Variants in GBF1 observed in about 807,000 individuals in gnomAD.
GBF1 encodes golgi brefeldin A resistant guanine nucleotide exchange factor 1, also known as Golgi-specific brefeldin A-resistance guanine nucleotide exchange factor 1.
A neutral mutation model predicts 210.5 loss-of-function variants in GBF1; 114 were observed. The observed-to-expected ratio is 0.54, with a 90% confidence interval of 0.47 to 0.63. The LOEUF (loss-of-function observed/expected upper bound fraction) is 0.63, where lower values mean the gene tolerates loss of function less well. GBF1 is among the 30% of genes least tolerant of loss of function. The probability of loss-of-function intolerance (pLI) is 0.00; values close to 1 mark genes in which losing one functional copy is unlikely to be tolerated. For missense variants in GBF1, 1,851 were observed against 2,357.7 expected (o/e 0.79, Z 4.45); for synonymous variants, 850 against 889.2 (o/e 0.96, Z 0.78).
At chr10:102,354,389 A>G (rs1269386063) in intron 8 of GBF1, among the ~76,000 whole-genome samples, 1 of 152,182 alleles carries the variant, frequency 6.6e-6, no homozygotes, top group Non-Finnish European at 1.5e-5. Flanking sequence ...TGTCTCCTCA[A>G]CAAACTGGAG....
intron 3 of GBF1, among the ~76,000 whole-genome samples, chr10:102,298,013 C>A (rs914694260): frequency 9.2e-5 from 14 of 152,152 alleles, no homozygotes; most frequent in African/African-American, 3.4e-4. Flanking sequence ...CAGCTCACTG[C>A]AACCTCCGCC....
chr10:102,376,853 G>A (rs2060527980), intron 32 of GBF1, 53 bp downstream of exon 32: 1 of 1,609,932 alleles, frequency 6.2e-7, no homozygotes, highest in Non-Finnish European at 8.5e-7. Flanking sequence ...ATTATGCAGG[G>A]GAGAGGCTGA....
intron 3 of GBF1, among the ~76,000 whole-genome samples, chr10:102,282,091 T>C (rs1236860703): frequency 7.7e-6 from 1 of 129,110 alleles, no homozygotes; most frequent in African/African-American, 2.7e-5. Context: ...CACACCCGGC[T>C]AATTTTTTTT....
intron 3 of GBF1, among the ~76,000 whole-genome samples, chr10:102,285,575 C>T (rs1422161727): frequency 6.6e-6 from 1 of 152,170 alleles, no homozygotes; most frequent in African/African-American, 2.4e-5. Flanking sequence ...GTGTTCTCTT[C>T]TTACCCCTCT....
At chr10:102,369,667 G>A in intron 24 of GBF1, 44 bp from the exon 25 acceptor site, 1 of 1,575,876 alleles carries the variant, frequency 6.3e-7, no homozygotes. Context: ...GGGCACAAAT[G>A]CAAAGGACAC....
At chr10:102,376,886 C>G in intron 32 of GBF1, 49 bp from the exon 33 acceptor site, 1 of 1,609,170 alleles carries the variant, frequency 6.2e-7, no homozygotes, top group Non-Finnish European at 8.5e-7. Context: ...GGCAGGGTAT[C>G]TATGCCTATA....
At chr10:102,354,953 C>G (rs1272235160) in intron 8 of GBF1, among the ~76,000 whole-genome samples, 3 of 146,598 alleles carry the variant, frequency 2.0e-5, no homozygotes, top group African/African-American at 7.6e-5. Context: ...TTAAAGAGGT[C>G]ATTCCAAGGA....
intron 18 of GBF1, among the ~76,000 whole-genome samples, chr10:102,365,874 G>T (rs1299174683): frequency 1.3e-5 from 2 of 152,044 alleles, no homozygotes; most frequent in African/African-American, 2.4e-5. Context: ...TCATGCCACT[G>T]TGATAGAGTG....
chr10:102,341,240 T>G (rs2058163201), intron 3 of GBF1, among the ~76,000 whole-genome samples: 1 of 152,178 alleles, frequency 6.6e-6, no homozygotes, highest in African/African-American at 2.4e-5. Flanking sequence ...AATGCAAATT[T>G]AAACCACATG....
intron 32 of GBF1, 41 bp downstream of exon 32, chr10:102,376,841 C>T (rs1449370893): frequency 1.2e-6 from 2 of 1,609,500 alleles, no homozygotes; most frequent in African/African-American, 2.7e-5. Context: ...AGTAGCCATG[C>T]AATTATGCAG....
At chr10:102,304,708 A>T (rs2077685913) in intron 3 of GBF1, among the ~76,000 whole-genome samples, 1 of 152,022 alleles carries the variant, frequency 6.6e-6, no homozygotes, top group South Asian at 2.1e-4. Context: ...TGGGAGGTGG[A>T]GGTTGCAGTG....
At chr10:102,375,995 T>C (rs1256246258) in intron 30 of GBF1, among the ~76,000 whole-genome samples, 1 of 151,926 alleles carries the variant, frequency 6.6e-6, no homozygotes, top group Non-Finnish European at 1.5e-5. Context: ...CCTGGCTTCA[T>C]AGCCTTCTGC....
At chr10:102,360,995 C>T (rs372068812) in intron 12 of GBF1, 27 bp from the exon 13 acceptor site, 5 of 983,144 alleles carry the variant, frequency 5.1e-6, no homozygotes, top group Admixed American at 4.1e-5. Flanking sequence ...AAAAAAAACT[C>T]ATGGCCTACC....
intron 3 of GBF1, among the ~76,000 whole-genome samples, chr10:102,320,715 A>T (rs2056311051): frequency 6.6e-6 from 1 of 152,142 alleles, no homozygotes; most frequent in South Asian, 2.1e-4. Flanking sequence ...GCAATCTGTT[A>T]ATGAATCTCA....
At chr10:102,276,252 C>G (rs1415584852) in intron 3 of GBF1, among the ~76,000 whole-genome samples, 1 of 148,066 alleles carries the variant, frequency 6.8e-6, no homozygotes, top group Non-Finnish European at 1.5e-5. Context: ...AAAGGCCTGG[C>G]GCGGTGGCTC....
intron 3 of GBF1, among the ~76,000 whole-genome samples, chr10:102,267,209 G>C (rs2073950550): frequency 6.6e-6 from 1 of 152,134 alleles, no homozygotes; most frequent in Non-Finnish European, 1.5e-5. Context: ...GATTGAATAA[G>C]AGTATATTAT....
chr10:102,376,298 T>C lies in GBF1; in HGVS notation c.3913T>C (p.Ser1305Pro). 6.2e-7 allele frequency: 1 copy of C among 1,613,984 alleles called. No individual in the cohort carries two copies. Residue 1305 changes from serine to proline, a missense_variant, in exon 31 of 40, where the codon TCC (serine) becomes CCC (proline). Physicochemically the swap from Ser to Pro is moderately conservative, Grantham distance 74 (BLOSUM62 -1). Around this residue, in one of 3 missense-constraint regions of GBF1, gnomAD observed 967 missense variants for 1,247.7 expected, o/e 0.78. Transcript: ENST00000369983. ...AGAQSDSELP[S>P]YHQNDVSLDR... ...GGCCCAGTCAGATAGTGAGCTCCCA[T>C]CCTACCATCAGAATGACGTGAGCCT...
intron 3 of GBF1, among the ~76,000 whole-genome samples, chr10:102,268,327 T>A (rs2074070466): frequency 6.6e-6 from 1 of 152,222 alleles, no homozygotes; most frequent in Admixed American, 6.5e-5. Flanking sequence ...TTCTACTGCA[T>A]GTATCAGAAA....
At chr10:102,288,749 C>T (rs917526174) in intron 3 of GBF1, among the ~76,000 whole-genome samples, 2 of 103,370 alleles carry the variant, frequency 1.9e-5, no homozygotes, top group African/African-American at 3.1e-5. Context: ...AAAAAAAAAA[C>T]GAAATTACTT....
Sources: gnomAD v4.1 joint callset for allele counts (sites outside exome capture counted in the v4.1 genomes callset) on GRCh38, gnomAD v4.1.1 for gene constraint, gnomAD v4.1.1 regional missense constraint, MANE v1.5 for transcripts, NCBI Gene and HGNC (gene_info 2026-07-23, HGNC 2026-07-21) for gene names.